The following SRRM2 variants were observed in gnomAD, a reference collection of about 807,000 sequenced individuals.
SRRM2 encodes the protein serine/arginine repetitive matrix 2, also known as serine/arginine repetitive matrix protein 2.
A neutral mutation model predicts 213.8 loss-of-function variants in SRRM2; 30 were observed. The observed-to-expected ratio is 0.14, with a 90% confidence interval of 0.10 to 0.19. SRRM2 has a LOEUF of 0.19. SRRM2 is among the 10% of genes least tolerant of loss of function. The pLI is 1.00. For missense variants in SRRM2, 4,904 were observed against 3,647.0 expected (o/e 1.34, Z -8.88); for synonymous variants, 2,025 against 1,377.7 (o/e 1.47, Z -10.40).
intron 1 of SRRM2, among the ~76,000 whole-genome samples, chr16:2,754,952 G>A (rs748879832): frequency 4.6e-5 from 7 of 152,214 alleles, no homozygotes; most frequent in Admixed American, 6.5e-5. Context: ...GCATGCGCTA[G>A]TATATTTTTC....
chr16:2,769,128 C>T lies in SRRM2; in HGVS notation c.7865C>T (p.Ser2622Phe), dbSNP rs1208544082. Reference sequence around the variant, plus strand: ...TCCTCCTCTTCATCTTCCTCCTCCTCCTCCTCCTCCTCTTCTTCCTCCTCC... The same window carrying T: ...TCCTCCTCTTCATCTTCCTCCTCCTTCTCCTCCTCCTCTTCTTCCTCCTCC... ...SSSSSSSSSS[S>F]SSSSSSSSSS... is the part of the protein sequence containing the mutation. Residue 2622 changes from serine (S) to phenylalanine (F), a missense_variant, in exon 12 of 15, where the codon TCC becomes TTC. Physicochemically the swap from Ser to Phe is radical, Grantham distance 155. Coordinates refer to ENST00000301740, the MANE Select transcript of SRRM2 (RefSeq NM_016333.4). The T allele has an allele frequency of 1.9e-6, 3 of 1,613,370 alleles. No individual in the cohort carries two copies. The highest frequency in any genetic ancestry group is 1.3e-5 in the African/African-American group (1 of 74,912).
chr16:2,758,911 A>C, intron 5 of SRRM2, 74 bp from the exon 6 acceptor site: 1 of 1,560,306 alleles, frequency 6.4e-7, no homozygotes, highest in African/African-American at 1.4e-5. Context: ...AAACCTTTTT[A>C]GGAGAGAGAT....
Position 2,768,218 on chromosome 16 carries a change from G to C in SRRM2, c.7690G>C (p.Glu2564Gln). 1 of 1,595,648 alleles carries C rather than the reference G, an allele frequency of 6.3e-7. No homozygotes were observed. The highest frequency in any genetic ancestry group is 8.5e-7 in the Non-Finnish European group (1 of 1,170,566). The change falls in exon 11 of 15, where the codon GAG becomes CAG. Residue 2564 changes from glutamate to glutamine, a missense_variant. Physicochemically the swap from Glu to Gln is conservative, Grantham distance 29. Coordinates refer to ENST00000301740, the MANE Select transcript of SRRM2 (RefSeq NM_016333.4). The stretch of plus-strand genomic sequence containing the variant: ...CTCTGGCTCCAGTTCTAGTGACTCA[G>C]AGGGCTCTAGCCTTCCTGTGCAACC... ...SSSGSSSSDSEGSSLPVQPEV... is the reference protein window; with the variant it reads ...SSSGSSSSDSQGSSLPVQPEV...
intron 1 of SRRM2, among the ~76,000 whole-genome samples, chr16:2,753,102 C>T (rs926846138): frequency 2.6e-5 from 4 of 151,636 alleles, no homozygotes; most frequent in African/African-American, 7.2e-5. Context: ...TCGCGAGCGC[C>T]CTTGGTGAGG....
chr16:2,766,097 TCAC>T lies in SRRM2; in HGVS notation c.5572_5574del (p.Pro1858del). ...TCGGAAGCGTTCTCGCTCACGCACA[TCAC>T]CAGCCCCGTGGAAACGCTCTAGATC... On this transcript the variant is annotated inframe_deletion, in exon 11 of 15. Transcript: ENST00000301740. The surrounding 1 kb of genome is among the most constrained non-coding windows in gnomAD (Gnocchi z 7.0). 1.2e-6 allele frequency: 2 copies of T among 1,614,004 alleles called. No homozygotes were observed. The highest frequency in any genetic ancestry group is 1.7e-6 in the Non-Finnish European group (2 of 1,180,010).
In SRRM2 at chr16:2,764,043, C is replaced by A; in HGVS notation, c.3515C>A (p.Pro1172His). ...TCAAAAGAGAAAATGGCCTTACCCC[C>A]TCAGGAGGATGCTACTGCATCACCT... is the stretch of plus-strand genomic sequence containing the variant. ...AESKEKMALP[P>H]QEDATASPPR... The change falls in exon 11 of 15, where the codon CCT becomes CAT. Residue 1172 changes from proline (P) to histidine (H), a missense_variant. Coordinates refer to ENST00000301740, the MANE Select transcript of SRRM2 (RefSeq NM_016333.4). 1 of 1,614,158 alleles carries A rather than the reference C, an allele frequency of 6.2e-7. No homozygotes were observed. Among genetic ancestry groups the A allele is most frequent in the South Asian group, 1.1e-5 (1 of 91,084 alleles).
Position 2,765,840 on chromosome 16 carries a change from A to G in SRRM2, c.5312A>G (p.Gln1771Arg). Residue 1771 changes from glutamine to arginine, a missense_variant, in exon 11 of 15, where the codon CAG becomes CGG. By Grantham distance (43) the Gln-to-Arg change is conservative. Transcript: ENST00000301740. Reference protein sequence around the residue: ...RSPSPKPRGLQRSRSRSRREK... With the variant: ...RSPSPKPRGLRRSRSRSRREK... ...CCTTCGCCAAAGCCTCGTGGACTCC[A>G]GAGGTCCCGTTCCCGCTCAAGGAGA... The G allele has an allele frequency of 6.2e-7, 1 of 1,614,066 alleles. No homozygotes were observed. The highest frequency in any genetic ancestry group is 1.3e-5 in the African/African-American group (1 of 75,030).
At position 2,765,088 on chromosome 16, in the gene SRRM2, A is replaced by G; in HGVS notation, c.4560A>G (p.Glu1520=). ...CCCAGAGAGAAAGAAGCGGGTCAGA[A>G]TCATCAGTTGATCAGAAAACTGTGG... is the stretch of plus-strand genomic sequence containing the variant. ...LTPQRERSGS[E]SSVDQKTVAR... The change falls in exon 11 of 15, where the codon GAA becomes GAG. Residue 1520 remains glutamate, a synonymous_variant. Coordinates refer to ENST00000301740, the MANE Select transcript of SRRM2 (RefSeq NM_016333.4). 6.2e-7 allele frequency: 1 copy of G among 1,614,186 alleles called. No individual in the cohort carries two copies. Among genetic ancestry groups the G allele is most frequent in the Non-Finnish European group, 8.5e-7 (1 of 1,180,026 alleles).
rs775068693 is a variant in SRRM2 at position 2,765,517 on chromosome 16, C to G, written c.4989C>G (p.Pro1663=). ...SSTESSPEHP[P]KSRTARRGSR... The stretch of plus-strand genomic sequence containing the variant: ...CCGAGTCCTCTCCTGAACATCCGCC[C>G]AAATCCAGAACTGCTCGCAGAGGTT... Residue 1663 remains proline, a synonymous_variant, in exon 11 of 15, where the codon CCC becomes CCG. Coordinates refer to ENST00000301740, the MANE Select transcript of SRRM2 (RefSeq NM_016333.4). The G allele has an allele frequency of 2.5e-6, 4 of 1,614,170 alleles. No individual in the cohort carries two copies. Among genetic ancestry groups the G allele is most frequent in the South Asian group, 1.1e-5 (1 of 91,076 alleles).
chr16:2,763,185 C>T lies in SRRM2; in HGVS notation c.2657C>T (p.Pro886Leu), dbSNP rs767046183. ...SPDPELKSRT[P>L]SRHSCSGSSP... is the part of the protein sequence containing the mutation. Reference sequence around the variant, plus strand: ...GACCCTGAGTTGAAATCTAGGACCCCTTCTAGACATAGCTGCTCAGGGTCC... The same window carrying T: ...GACCCTGAGTTGAAATCTAGGACCCTTTCTAGACATAGCTGCTCAGGGTCC... Residue 886 changes from proline (P) to leucine (L), a missense_variant, in exon 11 of 15, where the codon CCT (proline) becomes CTT (leucine). Physicochemically the swap from Pro to Leu is moderately conservative, Grantham distance 98. Coordinates refer to ENST00000301740, the MANE Select transcript of SRRM2 (RefSeq NM_016333.4). 13 of 1,614,068 alleles carry T rather than the reference C, an allele frequency of 8.1e-6. No individual in the cohort carries two copies. In the East Asian group the frequency reaches 1.8e-4, roughly 22 times the overall value.
Position 2,771,011 on chromosome 16 carries a change from C to A in SRRM2, c.*144C>A. 1.1e-6 allele frequency: 1 copy of A among 937,276 alleles called. No individual in the cohort carries two copies. Among genetic ancestry groups the A allele is most frequent in the South Asian group, 1.7e-5 (1 of 60,448 alleles). 58.1% of individuals were successfully genotyped at this position (937,276 alleles called of 1,614,324 possible). ...TGGATGGAGGGCTCCCTTTCCCTCC[C>A]CTTTTTTTTTTCTTTGTTCCTGTGA... On this transcript the variant is annotated 3_prime_UTR_variant, in exon 15 of 15. Transcript: ENST00000301740.
At position 2,759,659 on chromosome 16, in the gene SRRM2, T is replaced by C; in HGVS notation, c.831T>C (p.Ser277=). 1 of 1,613,504 alleles carries C rather than the reference T, an allele frequency of 6.2e-7. No homozygotes were observed. Among genetic ancestry groups the C allele is most frequent in the Non-Finnish European group, 8.5e-7 (1 of 1,179,598 alleles). Reference sequence around the variant, plus strand: ...CTTCCTCCTCCGATACTTCCCGCAGTCGGTAAGGGGTAGTCCAGGAGGAAG... The same window carrying C: ...CTTCCTCCTCCGATACTTCCCGCAGCCGGTAAGGGGTAGTCCAGGAGGAAG... ...DSASSSDTSR[S]RSRSAAAKTH... is the part of the protein sequence containing the mutation. The change falls in exon 9 of 15, where the codon AGT becomes AGC. Residue 277 remains serine (S), a splice_region_variant and synonymous_variant. Coordinates refer to ENST00000301740, the MANE Select transcript of SRRM2 (RefSeq NM_016333.4).
chr16:2,762,472 C>G lies in SRRM2; in HGVS notation c.1944C>G (p.Arg648=). Reference sequence around the variant, plus strand: ...CAGCCAGGAGAAGTGGCAGGTCACGCTCTAGAACCCCAGCTAGACGTGGCC... The same window carrying G: ...CAGCCAGGAGAAGTGGCAGGTCACGGTCTAGAACCCCAGCTAGACGTGGCC... ...RSPARRSGRS[R]SRTPARRGRS... Residue 648 remains arginine (R), a synonymous_variant, in exon 11 of 15, where the codon CGC becomes CGG. Transcript: ENST00000301740. 1 of 1,613,588 alleles carries G rather than the reference C, an allele frequency of 6.2e-7. No homozygotes were observed. The highest frequency in any genetic ancestry group is 8.5e-7 in the Non-Finnish European group (1 of 1,179,766).
intron 4 of SRRM2, 113 bp from the exon 5 acceptor site, chr16:2,758,357 C>T (rs369293051): frequency 4.9e-6 from 5 of 1,014,202 alleles, no homozygotes; most frequent in Admixed American, 3.9e-5. Context: ...GGCAACAGAG[C>T]GAGACTCTTA....
Position 2,766,421 on chromosome 16 carries a change from G to T in SRRM2, c.5893G>T (p.Val1965Leu). 6.2e-7 allele frequency: 1 copy of T among 1,613,540 alleles called. No homozygotes were observed. The highest frequency in any genetic ancestry group is 8.5e-7 in the Non-Finnish European group (1 of 1,179,930). ...RRRSRSRTPP[V>L]TRRRSRSRTS... ...AAGGTCCAGATCCAGGACTCCACCA[G>T]TAACCAGGAGGCGATCTCGAAGCAG... The change falls in exon 11 of 15, where the codon GTA becomes TTA. Residue 1965 changes from valine to leucine, a missense_variant. Val to Leu is a conservative substitution (Grantham distance 32, BLOSUM62 1). Transcript: ENST00000301740. The surrounding 1 kb of genome is among the most constrained non-coding windows in gnomAD (Gnocchi z 7.0).
At position 2,766,391 on chromosome 16, in the gene SRRM2, C is replaced by G. The variant is rs975871788; in HGVS notation, c.5863C>G (p.Arg1955Gly). 1 of 1,614,118 alleles carries G rather than the reference C, an allele frequency of 6.2e-7. No individual in the cohort carries two copies. The highest frequency in any genetic ancestry group is 1.7e-5 in the Admixed American group (1 of 60,016). The change falls in exon 11 of 15, where the codon CGC becomes GGC. Residue 1955 changes from arginine to glycine, a missense_variant. Physicochemically the swap from Arg to Gly is moderately radical, Grantham distance 125. Coordinates refer to ENST00000301740, the MANE Select transcript of SRRM2 (RefSeq NM_016333.4). The surrounding 1 kb of genome is among the most constrained non-coding windows in gnomAD (Gnocchi z 7.0). ...CCGTTCTAGAACTCCACCAGTGACT[C>G]GCAGAAGGTCCAGATCCAGGACTCC... ...RSRSRTPPVT[R>G]RRSRSRTPPV...
chr16:2,770,676 GGAGA>G lies in SRRM2; in HGVS notation c.8209_8212del (p.Glu2737HisfsTer7). The G allele has an allele frequency of 6.4e-7, 1 of 1,556,054 alleles. No individual in the cohort carries two copies. Among genetic ancestry groups the G allele is most frequent in the Non-Finnish European group, 8.7e-7 (1 of 1,149,074 alleles). On this transcript the variant is annotated frameshift_variant, in exon 14 of 15. Transcript: ENST00000301740. LOFTEE classifies it high-confidence loss of function. ...GCTCCCCCAGCCACAAGCGCAGGAG[GGAGA>G]CACCTAGCCCTCGGCCCATGAGACA...
intron 12 of SRRM2, chr16:2,770,041 G>A (rs2068686865): frequency 1.1e-5 from 10 of 926,802 alleles, no homozygotes; most frequent in Non-Finnish European, 1.5e-5. Context: ...CCCTCCCTTG[G>A]GTCCCCAGAG....
In SRRM2 at chr16:2,766,953, C is replaced by G. The variant is rs1227915911; in HGVS notation, c.6425C>G (p.Ser2142Cys). Reference sequence around the variant, plus strand: ...GGAATGCTTGAACCCCTTGGCAGCTCTAGAACACCCATGTCTGTCCTGCAG... The same window carrying G: ...GGAATGCTTGAACCCCTTGGCAGCTGTAGAACACCCATGTCTGTCCTGCAG... ...SPGMLEPLGS[S>C]RTPMSVLQQA... Residue 2142 changes from serine (S) to cysteine (C), a missense_variant, in exon 11 of 15, where the codon TCT (serine) becomes TGT (cysteine). Ser to Cys is a moderately radical substitution (Grantham distance 112). Transcript: ENST00000301740. This position sits in a 1 kb window ranked among gnomAD's most constrained non-coding sequence, Gnocchi z 7.0. The G allele has an allele frequency of 1.9e-6, 3 of 1,614,018 alleles. No individual in the cohort carries two copies. The highest frequency in any genetic ancestry group is 2.7e-5 in the African/African-American group (2 of 74,934).
Sources: allele counts gnomAD v4.1 joint callset (sites outside exome capture counted in the v4.1 genomes callset), GRCh38; gene constraint gnomAD v4.1.1; non-coding constraint Gnocchi (gnomAD v3.1); transcripts MANE v1.5; gene names NCBI Gene and HGNC (gene_info 2026-07-23, HGNC 2026-07-21).